The following ZBTB17 variants were observed in gnomAD, a reference collection of about 807,000 sequenced individuals.
ZBTB17 encodes the protein zinc finger and BTB domain-containing protein 17.
ZBTB17 carries 24 observed loss-of-function variants against 85.1 expected under a neutral mutation model. That is an observed-to-expected ratio of 0.28 (90% confidence interval 0.20 to 0.40). The LOEUF is 0.40. Ranked by LOEUF, ZBTB17 falls within the 10% of genes least tolerant of loss-of-function variation. The pLI, the probability that ZBTB17 is intolerant of heterozygous loss-of-function variation, is 1.00. For synonymous variants in ZBTB17, 464 were observed against 460.2 expected (o/e 1.01, Z -0.11); for missense variants, 743 against 1,105.1 (o/e 0.67, Z 4.65).
At chr1:15,974,049 G>A (rs958435980) in intron 1 of ZBTB17, among the ~76,000 whole-genome samples, 2 of 152,034 alleles carry the variant, frequency 1.3e-5, no homozygotes, top group Non-Finnish European at 2.9e-5. Flanking sequence ...AAATTAGCCA[G>A]GTGTTATGGT....
chr1:15,970,826 C>T (rs559701882), intron 2 of ZBTB17, among the ~76,000 whole-genome samples: 4 of 152,186 alleles, frequency 2.6e-5, no homozygotes, highest in Non-Finnish European at 5.9e-5. Context: ...GGATTACAGG[C>T]GTAAGCCACC....
intron 9 of ZBTB17, 42 bp from the exon 10 acceptor site, chr1:15,943,937 C>G (rs1294559495): frequency 1.3e-6 from 2 of 1,542,972 alleles, no homozygotes; most frequent in Admixed American, 1.9e-5. Context: ...CCACAGAGCT[C>G]GGCCCCGGGC....
At chr1:15,945,649 C>A in intron 6 of ZBTB17, 66 bp downstream of exon 6, 1 of 1,589,348 alleles carries the variant, frequency 6.3e-7, no homozygotes, top group Non-Finnish European at 8.5e-7. Context: ...GGCCCCAGTG[C>A]GCAGTGGAGG....
chr1:15,947,123 C>T lies in ZBTB17; in HGVS notation c.206G>A (p.Gly69Asp). 6.2e-7 allele frequency: 1 copy of T among 1,608,126 alleles called. No homozygotes were observed. The highest frequency in any genetic ancestry group is 8.5e-7 in the Non-Finnish European group (1 of 1,175,496). Residue 69 changes from glycine to aspartate, a missense_variant and splice_region_variant, in exon 4 of 16, where the codon GGC (glycine) becomes GAC (aspartate). By Grantham distance (94) the Gly-to-Asp change is moderately conservative (BLOSUM62 -1). Transcript: ENST00000375743. Reference sequence around the variant, plus strand: ...CATAAACTCCAGCACCTGCCCCAGGCCTACCAAGGACAGGACAGCTGTCAC... The same window carrying T: ...CATAAACTCCAGCACCTGCCCCAGGTCTACCAAGGACAGGACAGCTGTCAC... Reference protein sequence around the residue: ...VVHLDISNAAGLGQVLEFMYT... With the variant: ...VVHLDISNAADLGQVLEFMYT...
rs1304299169 is a variant in ZBTB17, at chr1:15,953,686, G to A, written c.-2-5189C>T. Among the ~76,000 whole-genome samples the A allele has an allele frequency of 1.3e-5, 2 of 152,224 alleles. No individual in the cohort carries two copies. The highest frequency in any genetic ancestry group is 4.8e-5 in the African/African-American group (2 of 41,460). On this transcript the variant is annotated intron_variant, in intron 2 of 15. Coordinates refer to ENST00000375743, the MANE Select transcript of ZBTB17 (RefSeq NM_003443.3). This position sits in a 1 kb window ranked among gnomAD's most constrained non-coding sequence, Gnocchi z 5.1. ...ATTCCAGTGGCGGCTGAGCCCCATG[G>A]AAGCAGCAGAGCCTCCCGGGACAGG...
At chr1:15,972,218 G>A (rs964936756) in intron 2 of ZBTB17, among the ~76,000 whole-genome samples, 1 of 152,178 alleles carries the variant, frequency 6.6e-6, no homozygotes, top group African/African-American at 2.4e-5. Context: ...AGCATCCCTA[G>A]CACCCAGCAC....
intron 2 of ZBTB17, among the ~76,000 whole-genome samples, chr1:15,949,598 G>A (rs111821603): frequency 0.035 from 5,341 of 152,298 alleles, 306 homozygotes; most frequent in African/African-American, 0.12. Flanking sequence ...CTGGCTCCCC[G>A]GCTTCTGGGC....
At chr1:15,969,557 C>T (rs1233084540) in intron 2 of ZBTB17, 9 of 360,796 alleles carry the variant, frequency 2.5e-5, no homozygotes, top group South Asian at 1.3e-4. Context: ...TCCCAGAGGC[C>T]GCTCATGGGG....
intron 2 of ZBTB17, among the ~76,000 whole-genome samples, chr1:15,971,670 T>C (rs2072692995): frequency 6.7e-6 from 1 of 149,638 alleles, no homozygotes; most frequent in South Asian, 2.1e-4. Flanking sequence ...AGTGCTGCAC[T>C]ATGCAGCAAA....
At chr1:15,970,134 CT>C in intron 2 of ZBTB17, 2 of 598,060 alleles carry the variant, frequency 3.3e-6, no homozygotes, top group Non-Finnish European at 3.0e-6. Context: ...TCATATGTAC[CT>C]TTTGTCTTAT....
At chr1:15,944,676 G>T (rs2071515792) in intron 8 of ZBTB17, 21 bp downstream of exon 8, 3 of 1,604,604 alleles carry the variant, frequency 1.9e-6, no homozygotes, top group Non-Finnish European at 2.5e-6. Context: ...GCCGGGGTAG[G>T]AGGCCGGCTT....
chr1:15,965,071 G>A (rs987121426), intron 2 of ZBTB17, among the ~76,000 whole-genome samples: 18 of 149,394 alleles, frequency 1.2e-4, no homozygotes, highest in African/African-American at 4.2e-4. Flanking sequence ...CTGAGATCGC[G>A]CCACTGCACT....
chr1:15,952,219 G>A lies in ZBTB17; in HGVS notation c.-2-3722C>T, dbSNP rs1015228520. Among the ~76,000 whole-genome samples, 12 of 152,128 alleles carry A rather than the reference G, an allele frequency of 7.9e-5. No homozygotes were observed. The highest frequency in any genetic ancestry group is 1.2e-4 in the Non-Finnish European group (8 of 68,038). ...ACTCACAAAGTCTTAGCTGCAATCG[G>A]GCACCTTTTCCCAACACCTCTAGTC... On this transcript the variant is annotated intron_variant, in intron 2 of 15. Transcript: ENST00000375743. This position sits in a 1 kb window ranked among gnomAD's most constrained non-coding sequence, Gnocchi z 4.3.
rs528389434 is a variant in ZBTB17 at position 15,951,178 on chromosome 1, G to T, written c.-2-2681C>A. Among the ~76,000 whole-genome samples, 1 of 152,126 alleles carries T rather than the reference G, an allele frequency of 6.6e-6. No homozygotes were observed. Among genetic ancestry groups the T allele is most frequent in the East Asian group, 1.9e-4 (1 of 5,182 alleles). ...GGGTGTTAGGAGGAGAAACAGAGGCGTCTATAATCCTCTGAGGCTGCCCCA... is the reference window on the plus strand; with the variant it reads ...GGGTGTTAGGAGGAGAAACAGAGGCTTCTATAATCCTCTGAGGCTGCCCCA... On this transcript the variant is annotated intron_variant, in intron 2 of 15. Transcript: ENST00000375743. This position sits in a 1 kb window ranked among gnomAD's most constrained non-coding sequence, Gnocchi z 4.1.
chr1:15,960,974 C>T (rs371286346), intron 2 of ZBTB17, among the ~76,000 whole-genome samples: 42 of 151,406 alleles, frequency 2.8e-4, no homozygotes, highest in East Asian at 1.5e-3. Context: ...ATTAGCCAGG[C>T]GTGCTGGTGC....
chr1:15,949,536 G>A (rs2071750862), intron 2 of ZBTB17, among the ~76,000 whole-genome samples: 1 of 152,266 alleles, frequency 6.6e-6, no homozygotes, highest in African/African-American at 2.4e-5. Flanking sequence ...CTAAGGGGTA[G>A]TGAGTTCTCT....
intron 2 of ZBTB17, among the ~76,000 whole-genome samples, chr1:15,962,904 G>C (rs551323201): frequency 6.6e-6 from 1 of 152,194 alleles, no homozygotes; most frequent in African/African-American, 2.4e-5. Flanking sequence ...TTGCACCTAT[G>C]AGTAACCACT....
intron 2 of ZBTB17, among the ~76,000 whole-genome samples, chr1:15,957,436 G>A (rs1225373477): frequency 6.6e-6 from 1 of 151,914 alleles, no homozygotes; most frequent in Non-Finnish European, 1.5e-5. Context: ...GTGGCACAGG[G>A]GCCGGTGTAT....
rs1195050473 is a variant in ZBTB17 at position 15,943,723 on chromosome 1, G to A, written c.1460-8C>T. ...GGTGCCGCTTCAGGTTCCCTGTGGC[G>A]AGACCGAGGGCGAACCTGGCGTGGG... is the stretch of plus-strand genomic sequence containing the variant. On this transcript the variant is annotated splice_region_variant and splice_polypyrimidine_tract_variant and intron_variant, in intron 10 of 15. Transcript: ENST00000375743. 6 of 1,613,046 alleles carry A rather than the reference G, an allele frequency of 3.7e-6. No individual in the cohort carries two copies. The highest frequency in any genetic ancestry group is 3.3e-5 in the South Asian group (3 of 91,070).
Sources: gnomAD v4.1 joint callset for allele counts (sites outside exome capture counted in the v4.1 genomes callset) on GRCh38, gnomAD v4.1.1 for gene constraint, Gnocchi (gnomAD v3.1) non-coding constraint, MANE v1.5 for transcripts, NCBI Gene and HGNC (gene_info 2026-07-23, HGNC 2026-07-21) for gene names.